Variants in RCAN2 observed in about 807,000 individuals in gnomAD.
The protein encoded by RCAN2 is calcipressin-2.
In RCAN2, 9 loss-of-function variants were observed where a neutral mutation model predicts 23.6. The observed-to-expected ratio is 0.38, with a 90% CI of 0.23 to 0.67. The LOEUF (loss-of-function observed/expected upper bound fraction) is 0.67, where lower values mean the gene tolerates loss of function less well. Ranked by LOEUF, RCAN2 falls within the 30% of genes least tolerant of loss-of-function variation. RCAN2 has a pLI of 0.51. For synonymous variants in RCAN2, 109 were observed against 115.7 expected (o/e 0.94, Z 0.37); for missense variants, 273 against 302.3 (o/e 0.90, Z 0.72).
intron 2 of RCAN2, among the ~76,000 whole-genome samples, chr6:46,300,513 A>G (rs2150350719): frequency 6.6e-6 from 1 of 152,140 alleles, no homozygotes; most frequent in South Asian, 2.1e-4. Flanking sequence ...GAACCCACAG[A>G]TCCCTGATAA....
chr6:46,462,495 A>G (rs957899408), intron 1 of RCAN2, among the ~76,000 whole-genome samples: 4 of 152,238 alleles, frequency 2.6e-5, no homozygotes, highest in Admixed American at 2.6e-4. Flanking sequence ...CTTTTTAAAC[A>G]TTAAAAGACC....
chr6:46,319,688 T>C (rs1389354299), intron 2 of RCAN2, among the ~76,000 whole-genome samples: 1 of 152,178 alleles, frequency 6.6e-6, no homozygotes, highest in Non-Finnish European at 1.5e-5. Context: ...CAAGAAAATG[T>C]TTAGTATTGT....
chr6:46,267,650 G>A (rs1767383381), intron 2 of RCAN2, among the ~76,000 whole-genome samples: 1 of 152,106 alleles, frequency 6.6e-6, no homozygotes, highest in South Asian at 2.1e-4. Context: ...ATGCCAGCCT[G>A]GGGAACAGAG....
chr6:46,303,397 A>C (rs1321773680), intron 2 of RCAN2, among the ~76,000 whole-genome samples: 1 of 152,072 alleles, frequency 6.6e-6, no homozygotes, highest in African/African-American at 2.4e-5. Context: ...AACAGTTAAA[A>C]TTTGAAGGCC....
chr6:46,267,865 T>C (rs1444546040), intron 2 of RCAN2, among the ~76,000 whole-genome samples: 5 of 152,140 alleles, frequency 3.3e-5, no homozygotes, highest in Non-Finnish European at 7.3e-5. Flanking sequence ...GAAGATGTTA[T>C]AATACCGATA....
chr6:46,274,482 G>A (rs1767623220), intron 2 of RCAN2, among the ~76,000 whole-genome samples: 2 of 152,230 alleles, frequency 1.3e-5, no homozygotes, highest in South Asian at 4.1e-4. Context: ...GAGAGTTAGA[G>A]AAGGGAGCAA....
At chr6:46,406,946 C>T (rs1766423824) in intron 2 of RCAN2, among the ~76,000 whole-genome samples, 1 of 152,132 alleles carries the variant, frequency 6.6e-6, no homozygotes, top group Non-Finnish European at 1.5e-5. Flanking sequence ...GTAACAAATA[C>T]CCCCAAACTG....
At chr6:46,367,719 T>A (rs1765214486) in intron 2 of RCAN2, among the ~76,000 whole-genome samples, 1 of 152,214 alleles carries the variant, frequency 6.6e-6, no homozygotes, top group Non-Finnish European at 1.5e-5. Flanking sequence ...TTGAAACACA[T>A]ATAATCTCAG....
chr6:46,372,241 A>T (rs2150389464), intron 2 of RCAN2, among the ~76,000 whole-genome samples: 1 of 152,304 alleles, frequency 6.6e-6, no homozygotes, highest in South Asian at 2.1e-4. Flanking sequence ...ACAACAGCAG[A>T]AGCACCTATT....
chr6:46,334,659 G>C (rs1306463666), intron 2 of RCAN2, among the ~76,000 whole-genome samples: 3 of 152,110 alleles, frequency 2.0e-5, no homozygotes, highest in Admixed American at 2.0e-4. Context: ...TTGTGTAGAA[G>C]GTCCATGCTA....
intron 2 of RCAN2, among the ~76,000 whole-genome samples, chr6:46,360,878 T>C (rs1161404769): frequency 6.6e-6 from 1 of 152,254 alleles, no homozygotes; most frequent in Non-Finnish European, 1.5e-5. Context: ...TTCTAATGTA[T>C]GTTTTTAAAA....
chr6:46,347,044 T>A (rs900732666), intron 2 of RCAN2, among the ~76,000 whole-genome samples: 2 of 151,728 alleles, frequency 1.3e-5, no homozygotes, highest in African/African-American at 2.4e-5. Flanking sequence ...CCTGGCTAAT[T>A]TTTTGTATTT....
chr6:46,254,410 G>A (rs1442224), intron 2 of RCAN2, among the ~76,000 whole-genome samples: 117,760 of 152,038 alleles, frequency 0.77, 45,904 homozygotes, highest in Non-Finnish European at 0.81. Context: ...GCTGCAGGAA[G>A]GTCAAATAGG....
At chr6:46,267,495 AC>A (rs138289225) in intron 2 of RCAN2, among the ~76,000 whole-genome samples, 192 of 152,306 alleles carry the variant, frequency 1.3e-3, no homozygotes, top group African/African-American at 4.5e-3. Context: ...AGCCTAAGCA[AC>A]ATAGGAAGAC....
intron 2 of RCAN2, among the ~76,000 whole-genome samples, chr6:46,292,640 T>C (rs1367704724): frequency 1.3e-5 from 2 of 152,132 alleles, no homozygotes; most frequent in African/African-American, 2.4e-5. Flanking sequence ...AATTAACATG[T>C]TTCCTTCTTG....
At chr6:46,478,310 T>A (rs7747957) in intron 1 of RCAN2, among the ~76,000 whole-genome samples, 64,460 of 152,088 alleles carry the variant, frequency 0.42, 16,333 homozygotes, top group Non-Finnish European at 0.58. Context: ...ATGCAGGCTG[T>A]TGGGAAATAA....
intron 4 of RCAN2, among the ~76,000 whole-genome samples, chr6:46,246,176 T>C (rs1766504972): frequency 6.6e-6 from 1 of 152,212 alleles, no homozygotes; most frequent in Non-Finnish European, 1.5e-5. Context: ...TATTTTAGAA[T>C]GCTATACTGC....
At chr6:46,410,932 G>A (rs1157871459) in intron 2 of RCAN2, among the ~76,000 whole-genome samples, 1 of 152,196 alleles carries the variant, frequency 6.6e-6, no homozygotes, top group Non-Finnish European at 1.5e-5. Flanking sequence ...GGGCAGCAGG[G>A]AAAGAACAGG....
intron 4 of RCAN2, among the ~76,000 whole-genome samples, chr6:46,228,543 T>C (rs1765761108): frequency 6.6e-6 from 1 of 152,184 alleles, no homozygotes; most frequent in Admixed American, 6.5e-5. Context: ...CTTCTTTGTA[T>C]CTTTTGGTCT....
Sources: gnomAD v4.1 joint callset for allele counts (sites outside exome capture counted in the v4.1 genomes callset) on GRCh38, gnomAD v4.1.1 for gene constraint, MANE v1.5 for transcripts, NCBI Gene and HGNC (gene_info 2026-07-23, HGNC 2026-07-21) for gene names.